Variants in STAP1 observed in about 807,000 individuals in gnomAD.
The protein encoded by STAP1 is signal transducing adaptor family member 1.
In STAP1, 30 loss-of-function variants were observed where a neutral mutation model predicts 37.8. The ratio of observed to expected loss-of-function variants is 0.79; its 90% CI spans 0.59 to 1.08. The LOEUF is 1.08. Ranked by LOEUF, STAP1 falls within the 50% of genes least tolerant of loss-of-function variation. The pLI is 0.00. For synonymous variants in STAP1, 130 were observed against 116.0 expected (o/e 1.12, Z -0.78); for missense variants, 357 against 349.4 (o/e 1.02, Z -0.17).
At chr4:67,560,966 T>C (rs1051691399) in intron 1 of STAP1, among the ~76,000 whole-genome samples, 1 of 152,200 alleles carries the variant, frequency 6.6e-6, no homozygotes, top group East Asian at 1.9e-4. Flanking sequence ...ACCTTTTACT[T>C]GTATGTCAGG....
At chr4:67,582,741 T>C (rs1356176345) in intron 5 of STAP1, among the ~76,000 whole-genome samples, 4 of 152,198 alleles carry the variant, frequency 2.6e-5, no homozygotes, top group African/African-American at 9.6e-5. Flanking sequence ...ATGATGCAAA[T>C]GCAATATGCA....
chr4:67,584,815 C>T (rs1212922666), intron 6 of STAP1, among the ~76,000 whole-genome samples: 4 of 152,112 alleles, frequency 2.6e-5, no homozygotes, highest in African/African-American at 9.7e-5. Context: ...CAGAGCCCTA[C>T]AGATCATTGT....
At chr4:67,578,990 G>A (rs191540739) in intron 4 of STAP1, among the ~76,000 whole-genome samples, 67 of 151,958 alleles carry the variant, frequency 4.4e-4, no homozygotes, top group African/African-American at 1.5e-3. Flanking sequence ...CATCATGCCC[G>A]GCTAAGTTTT....
rs1343902031 is a variant in STAP1, at chr4:67,607,070, T to C, written c.*713T>C. On this transcript the variant is annotated 3_prime_UTR_variant, in exon 9 of 9. Transcript: ENST00000265404. ...CCAGACTGCATCTACTGAATCAAAA[T>C]AACAGGGATATTTTTTCATAATTTT... 6.6e-6 allele frequency: 1 copy of C among 152,134 alleles called. No homozygotes were observed. The highest frequency in any genetic ancestry group is 1.9e-4 in the East Asian group (1 of 5,198). The allele number at this position is 152,134 out of a possible 1,614,324, so 9.4% of individuals were successfully genotyped here.
At chr4:67,584,116 A>AAT (rs1553901804) in intron 6 of STAP1, among the ~76,000 whole-genome samples, 16,313 of 133,706 alleles carry the variant, frequency 0.12, 1,819 homozygotes, top group Non-Finnish European at 0.18. Flanking sequence ...AAAAAAAAAA[A>AAT]GAACACAAGA....
chr4:67,571,150 A>G lies in STAP1; in HGVS notation c.187A>G (p.Ile63Val). ...TLFFYTDKKS[I>V]IYVDKLDIVD... is the part of the protein sequence containing the mutation. The stretch of plus-strand genomic sequence containing the variant: ...TTTCTTTTATACCGACAAAAAGAGT[A>G]TAATAGTAAGTAAATATGTTGAGCT... Residue 63 changes from isoleucine to valine, a missense_variant, in exon 2 of 9, where the codon ATA (isoleucine) becomes GTA (valine). Transcript: ENST00000265404. 3 of 1,598,852 alleles carry G rather than the reference A, an allele frequency of 1.9e-6. No individual in the cohort carries two copies. The highest frequency in any genetic ancestry group is 2.6e-6 in the Non-Finnish European group (3 of 1,166,206).
intron 2 of STAP1, among the ~76,000 whole-genome samples, chr4:67,573,509 G>C (rs1727649836): frequency 6.6e-6 from 1 of 152,142 alleles, no homozygotes; most frequent in Admixed American, 6.5e-5. Context: ...CTTTGTTGCA[G>C]CAAAACTCAC....
At chr4:67,601,269 T>C (rs1728336217) in intron 8 of STAP1, among the ~76,000 whole-genome samples, 1 of 152,210 alleles carries the variant, frequency 6.6e-6, no homozygotes. Context: ...ACTTTAACTA[T>C]GTACCCACAC....
At chr4:67,575,966 C>CA (rs1210530643) in intron 3 of STAP1, among the ~76,000 whole-genome samples, 1 of 152,180 alleles carries the variant, frequency 6.6e-6, no homozygotes, top group African/African-American at 2.4e-5. Flanking sequence ...TCCCCCAACT[C>CA]AAAACCTATA....
intron 6 of STAP1, among the ~76,000 whole-genome samples, chr4:67,586,952 G>A (rs1020635369): frequency 6.6e-6 from 1 of 152,162 alleles, no homozygotes; most frequent in African/African-American, 2.4e-5. Context: ...GTTCATACCT[G>A]GAAGTGGATA....
chr4:67,569,147 T>C (rs1269708565), intron 1 of STAP1, among the ~76,000 whole-genome samples: 1 of 152,258 alleles, frequency 6.6e-6, no homozygotes, highest in Non-Finnish European at 1.5e-5. Flanking sequence ...AGCATGTTAT[T>C]GTATTAAATA....
Position 67,604,268 on chromosome 4 carries a change from A to G in STAP1, c.827-2028A>G, listed in dbSNP as rs147871674. 3.7e-3 allele frequency among the ~76,000 whole-genome samples: 570 copies of G among 152,320 alleles called. 7 individuals carry two copies. In the Middle Eastern group the frequency reaches 0.041, roughly 11 times the overall value. ...GATGGGGGAAGAGACCAGGTTGGCA[A>G]TTCAAGACTATTTTTCCTACCCTCT... is the stretch of plus-strand genomic sequence containing the variant. On this transcript the variant is annotated intron_variant, in intron 8 of 8. Transcript: ENST00000265404.
At chr4:67,576,477 A>G (rs1000018319) in intron 3 of STAP1, among the ~76,000 whole-genome samples, 5 of 152,236 alleles carry the variant, frequency 3.3e-5, no homozygotes, top group Non-Finnish European at 7.3e-5. Flanking sequence ...CAAACAAGCA[A>G]AAATAATAAG....
At chr4:67,581,966 T>G (rs1727870892) in intron 5 of STAP1, among the ~76,000 whole-genome samples, 1 of 152,136 alleles carries the variant, frequency 6.6e-6, no homozygotes, top group African/African-American at 2.4e-5. Context: ...AATGCTAAAT[T>G]CACCAACATC....
At chr4:67,578,130 C>T (rs998912032) in intron 4 of STAP1, among the ~76,000 whole-genome samples, 3 of 152,116 alleles carry the variant, frequency 2.0e-5, no homozygotes, top group Admixed American at 1.3e-4. Flanking sequence ...GGTGTTTTAT[C>T]AGAGGCAAAT....
intron 1 of STAP1, among the ~76,000 whole-genome samples, chr4:67,567,369 G>GC (rs1350775079): frequency 2.0e-5 from 1 of 50,168 alleles, no homozygotes. Flanking sequence ...GTTCTCAACT[G>GC]GGGGGAGGAT....
intron 6 of STAP1, among the ~76,000 whole-genome samples, chr4:67,587,776 A>G (rs1267474375): frequency 1.4e-5 from 2 of 146,004 alleles, no homozygotes; most frequent in Non-Finnish European, 3.0e-5. Flanking sequence ...TCTGGAGTTC[A>G]ATGGCGCGAT....
chr4:67,569,328 G>A (rs919122399), intron 1 of STAP1, among the ~76,000 whole-genome samples: 1 of 152,100 alleles, frequency 6.6e-6, no homozygotes, highest in Non-Finnish European at 1.5e-5. Context: ...GTCAGTGAGT[G>A]GTAAGTAAAT....
intron 1 of STAP1, among the ~76,000 whole-genome samples, chr4:67,566,058 C>T (rs1274456411): frequency 6.7e-6 from 1 of 148,670 alleles, no homozygotes; most frequent in African/African-American, 2.5e-5. Flanking sequence ...AAGAGATTCT[C>T]CTGTCTCAGC....
Sources: allele counts gnomAD v4.1 joint callset (sites outside exome capture counted in the v4.1 genomes callset), GRCh38; gene constraint gnomAD v4.1.1; transcripts MANE v1.5; gene names NCBI Gene and HGNC (gene_info 2026-07-23, HGNC 2026-07-21).